CREB5: variants seen among roughly 807,000 people sequenced by gnomAD.
CREB5 encodes the protein cyclic AMP-responsive element-binding protein 5.
Under a neutral mutation model 57.1 loss-of-function variants are expected in CREB5, and 19 were observed. That is an observed-to-expected ratio of 0.33 (90% confidence interval 0.23 to 0.49). The LOEUF is 0.49. CREB5 is among the 20% of genes least tolerant of loss of function. The pLI, the probability that CREB5 is intolerant of heterozygous loss-of-function variation, is 0.99. For synonymous variants in CREB5, 238 were observed against 238.3 expected, an observed-to-expected ratio of 1.00 and a Z score of 0.01; for missense variants, 579 against 671.6, an observed-to-expected ratio of 0.86 and a Z score of 1.52.
At chr7:28,531,411 C>T (rs1383172583) in intron 4 of CREB5, among the ~76,000 whole-genome samples, 1 of 152,160 alleles carries the variant, frequency 6.6e-6, no homozygotes, top group Non-Finnish European at 1.5e-5. Context: ...ATGCATCACT[C>T]CAGTCTCCAC....
chr7:28,301,042 G>T (rs1012665416), intron 1 of CREB5, among the ~76,000 whole-genome samples: 4 of 152,146 alleles, frequency 2.6e-5, no homozygotes, highest in Non-Finnish European at 5.9e-5. Context: ...GATTTAATTG[G>T]TTCACAGTAG....
chr7:28,676,210 CT>C lies in CREB5; in HGVS notation c.465-42542del, dbSNP rs1216055418. Among the ~76,000 whole-genome samples, 3 of 150,158 alleles carry C rather than the reference CT, an allele frequency of 2.0e-5. No individual in the cohort carries two copies. The East Asian group carries it at 6.0e-4, about 30-fold the overall frequency. On this transcript the variant is annotated intron_variant, in intron 5 of 10. Coordinates refer to ENST00000357727, the MANE Select transcript of CREB5 (RefSeq NM_182898.4). ...TAACTATCATTATTTTTCAGGTTCACTGCCTCTTCCTCCAAATCTACACACA... is the reference window on the plus strand; with the variant it reads ...TAACTATCATTATTTTTCAGGTTCACGCCTCTTCCTCCAAATCTACACACA...
At position 28,319,783 on chromosome 7, in the gene CREB5, GTGTT is replaced by G. The variant is rs1785458123; in HGVS notation, c.-25+20348_-25+20351del. Among the ~76,000 whole-genome samples the G allele has an allele frequency of 2.0e-5, 3 of 152,230 alleles. No homozygotes were observed. In the South Asian group the frequency reaches 6.2e-4, roughly 32 times the overall value. On this transcript the variant is annotated intron_variant, in intron 1 of 9. Transcript: ENST00000396299. Reference sequence around the variant, plus strand: ...TGTTATCCCATGTGCTTGGGGTAATGTGTTTGTTTAATTGATGAAAACTCTAGGT... The same window carrying G: ...TGTTATCCCATGTGCTTGGGGTAATGTGTTTAATTGATGAAAACTCTAGGT...
intron 1 of CREB5, among the ~76,000 whole-genome samples, chr7:28,457,517 A>AT (rs75229000): frequency 3.2e-4 from 48 of 152,304 alleles, no homozygotes; most frequent in Middle Eastern, 3.4e-3. Context: ...ACTTAAAAAA[A>AT]TTTTTTTTGA....
chr7:28,615,961 G>T (rs1797581799), intron 5 of CREB5: 1 of 152,200 alleles, frequency 6.6e-6, no homozygotes. Context: ...CTTAAAATTG[G>T]TTGACATGTC....
chr7:28,341,151 A>G (rs1436467247), intron 1 of CREB5, among the ~76,000 whole-genome samples: 2 of 152,088 alleles, frequency 1.3e-5, no homozygotes, highest in African/African-American at 4.8e-5. Context: ...TAGTTGTTCA[A>G]TTTGGTGCTG....
intron 9 of CREB5, among the ~76,000 whole-genome samples, chr7:28,817,471 T>A (rs916179627): frequency 1.3e-5 from 2 of 152,200 alleles, no homozygotes; most frequent in African/African-American, 4.8e-5. Flanking sequence ...GAAAATCTGA[T>A]GGTAGATGAG....
intron 7 of CREB5, among the ~76,000 whole-genome samples, chr7:28,769,195 A>G (rs1806179775): frequency 6.6e-6 from 1 of 152,248 alleles, no homozygotes; most frequent in African/African-American, 2.4e-5. Flanking sequence ...CAGGCCTGAA[A>G]CTATAGCTCA....
intron 1 of CREB5, among the ~76,000 whole-genome samples, chr7:28,357,299 C>T (rs1786365903): frequency 6.6e-6 from 1 of 152,150 alleles, no homozygotes; most frequent in Non-Finnish European, 1.5e-5. Flanking sequence ...TTTCAATGTC[C>T]ATCAGATTTT....
chr7:28,440,451 T>A (rs932830891), intron 1 of CREB5, among the ~76,000 whole-genome samples: 2 of 152,208 alleles, frequency 1.3e-5, no homozygotes, highest in East Asian at 3.8e-4. Context: ...GCCAGCTTGC[T>A]GGAAGCCACT....
At chr7:28,779,682 A>G (rs1458035391) in intron 7 of CREB5, among the ~76,000 whole-genome samples, 3 of 152,216 alleles carry the variant, frequency 2.0e-5, no homozygotes, top group Non-Finnish European at 2.9e-5. Context: ...AGAAGGGGAC[A>G]TCTTCCAAAA....
intron 3 of CREB5, among the ~76,000 whole-genome samples, chr7:28,503,864 G>A (rs1792371477): frequency 6.6e-6 from 1 of 152,104 alleles, no homozygotes; most frequent in African/African-American, 2.4e-5. Context: ...GCCACAGACT[G>A]CAAAGACAAC....
At chr7:28,678,334 G>A (rs759383048) in intron 5 of CREB5, among the ~76,000 whole-genome samples, 5 of 152,062 alleles carry the variant, frequency 3.3e-5, no homozygotes, top group Non-Finnish European at 5.9e-5. Context: ...GTTGCAGTGA[G>A]CCAAGACGGC....
In CREB5 at chr7:28,530,991, A is replaced by G. The variant is rs905720123; in HGVS notation, c.291+23254A>G. 2.6e-5 allele frequency among the ~76,000 whole-genome samples: 4 copies of G among 152,174 alleles called. No individual in the cohort carries two copies. The East Asian group carries it at 7.7e-4, about 29-fold the overall frequency. On this transcript the variant is annotated intron_variant, in intron 4 of 10. Transcript: ENST00000357727. Reference sequence around the variant, plus strand: ...TGAGATCAGGAAACCTTGACTGTCTATTCTGAGTTTTTGCCAGTTTTACTG... The same window carrying G: ...TGAGATCAGGAAACCTTGACTGTCTGTTCTGAGTTTTTGCCAGTTTTACTG...
At chr7:28,374,231 A>G (rs907401613) in intron 1 of CREB5, among the ~76,000 whole-genome samples, 1 of 152,236 alleles carries the variant, frequency 6.6e-6, no homozygotes, top group Admixed American at 6.5e-5. Context: ...AGTGCTAGAG[A>G]TGACGCACAG....
intron 5 of CREB5, chr7:28,685,930 A>G (rs184469269): frequency 4.7e-5 from 24 of 515,206 alleles, no homozygotes; most frequent in Non-Finnish European, 7.2e-5. Context: ...TGGTGACTTC[A>G]CTAGCACTGA....
At chr7:28,502,434 TCTAA>T (rs150067659) in intron 3 of CREB5, among the ~76,000 whole-genome samples, 1,724 of 152,302 alleles carry the variant, frequency 0.011, 21 homozygotes, top group African/African-American at 0.038. Context: ...TTTAGATAAC[TCTAA>T]CTCTTACTAA....
intron 4 of CREB5, among the ~76,000 whole-genome samples, chr7:28,545,874 C>T (rs1054677736): frequency 5.9e-5 from 9 of 152,138 alleles, no homozygotes; most frequent in Non-Finnish European, 1.3e-4. Flanking sequence ...ACTTTTTTCA[C>T]GCAACATCAT....
intron 1 of CREB5, among the ~76,000 whole-genome samples, chr7:28,419,036 A>G (rs1788130464): frequency 6.6e-6 from 1 of 152,278 alleles, no homozygotes; most frequent in Non-Finnish European, 1.5e-5. Flanking sequence ...TTGATTAGTA[A>G]ATACATAAGG....
Sources: gnomAD v4.1 joint callset for allele counts (sites outside exome capture counted in the v4.1 genomes callset) on GRCh38, gnomAD v4.1.1 for gene constraint, MANE v1.5 for transcripts, NCBI Gene and HGNC (gene_info 2026-07-23, HGNC 2026-07-21) for gene names.